Variants in DCDC2 observed in about 807,000 individuals in gnomAD.
DCDC2 encodes the protein doublecortin domain containing 2.
DCDC2 carries 40 observed loss-of-function variants against 50.2 expected under a neutral mutation model. The ratio of observed to expected loss-of-function variants is 0.80; its 90% CI spans 0.62 to 1.04. The LOEUF is 1.04. Among genes scored for constraint, DCDC2 ranks in the 50% least tolerant of loss-of-function variants. The probability of loss-of-function intolerance (pLI) is 0.00; values close to 1 mark genes in which losing one functional copy is unlikely to be tolerated. For missense variants in DCDC2, 570 were observed against 581.9 expected, an observed-to-expected ratio of 0.98 and a Z score of 0.21; for synonymous variants, 234 against 210.6, an observed-to-expected ratio of 1.11 and a Z score of -0.96.
chr6:24,278,806 A>C (rs559601608), intron 6 of DCDC2, among the ~76,000 whole-genome samples: 17 of 152,322 alleles, frequency 1.1e-4, no homozygotes, highest in Admixed American at 1.0e-3. Flanking sequence ...TCATCCTACA[A>C]GCAGCCATAC....
At chr6:24,256,640 C>T (rs1762903620) in intron 7 of DCDC2, among the ~76,000 whole-genome samples, 2 of 152,236 alleles carry the variant, frequency 1.3e-5, no homozygotes, top group East Asian at 1.9e-4. Flanking sequence ...AGAAAGCTAA[C>T]AATTGTCCCT....
chr6:24,303,540 C>A (rs1370531506), intron 2 of DCDC2, among the ~76,000 whole-genome samples: 1 of 152,176 alleles, frequency 6.6e-6, no homozygotes, highest in Non-Finnish European at 1.5e-5. Flanking sequence ...CCTGCTCATT[C>A]TTCTTGCGCT....
At chr6:24,193,484 G>A (rs934092950) in intron 8 of DCDC2, among the ~76,000 whole-genome samples, 3 of 152,186 alleles carry the variant, frequency 2.0e-5, no homozygotes, top group Non-Finnish European at 4.4e-5. Flanking sequence ...GTATGTGAAT[G>A]TATCAAGAGG....
intron 7 of DCDC2, among the ~76,000 whole-genome samples, chr6:24,254,830 A>C (rs1442530384): frequency 1.1e-5 from 1 of 93,048 alleles, no homozygotes; most frequent in Non-Finnish European, 2.7e-5. Flanking sequence ...AATTCATACT[A>C]TAAAAAAAAA....
rs1031495101 is a variant in DCDC2 at position 24,260,286 on chromosome 6, T to C, written c.922+17763A>G. On this transcript the variant is annotated intron_variant, in intron 7 of 9. Coordinates refer to ENST00000378454, the MANE Select transcript of DCDC2 (RefSeq NM_016356.5). ...ATGGGTTGCCGGTTCCCACCTCTCA[T>C]CTCTAGGCTCTCTCATTTCTGGTAC... Among the ~76,000 whole-genome samples, 50 of 152,158 alleles carry C rather than the reference T, an allele frequency of 3.3e-4. 1 individual carries two copies. Among genetic ancestry groups the C allele is most frequent in the South Asian group, 4.1e-4 (2 of 4,828 alleles).
At chr6:24,196,506 C>T (rs1345306867) in intron 8 of DCDC2, among the ~76,000 whole-genome samples, 1 of 152,146 alleles carries the variant, frequency 6.6e-6, no homozygotes, top group East Asian at 1.9e-4. Flanking sequence ...CTGCAACCTC[C>T]GCCTCCCAGA....
intron 7 of DCDC2, among the ~76,000 whole-genome samples, chr6:24,217,461 A>G (rs1017122666): frequency 6.6e-6 from 1 of 152,228 alleles, no homozygotes; most frequent in South Asian, 2.1e-4. Context: ...TTCAAAGCCA[A>G]TCTAACTCTC....
chr6:24,256,643 T>C (rs139640035), intron 7 of DCDC2, among the ~76,000 whole-genome samples: 4 of 152,152 alleles, frequency 2.6e-5, no homozygotes, highest in African/African-American at 7.2e-5. Context: ...AAGCTAACAA[T>C]TGTCCCTTTA....
chr6:24,181,205 G>C (rs989983011), intron 8 of DCDC2, among the ~76,000 whole-genome samples: 9 of 152,186 alleles, frequency 5.9e-5, no homozygotes, highest in Non-Finnish European at 1.3e-4. Flanking sequence ...GAGGGGAATG[G>C]ATCTGCCAGC....
At chr6:24,357,416 T>TA in intron 1 of DCDC2, 42 bp downstream of exon 1, 1 of 1,558,042 alleles carries the variant, frequency 6.4e-7, no homozygotes, top group Non-Finnish European at 8.7e-7. Flanking sequence ...CCCCACACTA[T>TA]AGGGCACCTA....
At chr6:24,229,837 C>G (rs922060554) in intron 7 of DCDC2, among the ~76,000 whole-genome samples, 1 of 152,176 alleles carries the variant, frequency 6.6e-6, no homozygotes, top group Non-Finnish European at 1.5e-5. Flanking sequence ...ACACTTAGAT[C>G]TGACTGATCT....
At chr6:24,174,943 T>A (rs1683848070) in intron 9 of DCDC2, 109 bp from the exon 10 acceptor site, 1 of 575,468 alleles carries the variant, frequency 1.7e-6, no homozygotes, top group Non-Finnish European at 2.8e-6. Flanking sequence ...TATAAATATT[T>A]AACTAAAAAG....
chr6:24,376,924 G>A, the DCDC2 span, among the ~76,000 whole-genome samples: 1 of 151,914 alleles, frequency 6.6e-6, no homozygotes, highest in Non-Finnish European at 1.5e-5. Context: ...CGCCACCTTG[G>A]AGATCCCATT....
intron 7 of DCDC2, among the ~76,000 whole-genome samples, chr6:24,242,238 T>C (rs545825196): frequency 1.2e-4 from 19 of 152,260 alleles, no homozygotes; most frequent in African/African-American, 4.1e-4. Context: ...TAGTGGCACC[T>C]GCATTATCTA....
chr6:24,182,660 G>A (rs11963702), intron 8 of DCDC2, among the ~76,000 whole-genome samples: 13,962 of 85,498 alleles, frequency 0.16, 2,061 homozygotes, highest in African/African-American at 0.4. Flanking sequence ...GAAAACAAGC[G>A]TTGACAAGGA....
the DCDC2 span, among the ~76,000 whole-genome samples, chr6:24,369,427 G>A: frequency 1.3e-5 from 2 of 151,924 alleles, no homozygotes; most frequent in Non-Finnish European, 2.9e-5. Context: ...TGGCCAACAT[G>A]GTGATACCCC....
At chr6:24,328,616 T>C (rs1240764094) in intron 2 of DCDC2, among the ~76,000 whole-genome samples, 5 of 152,234 alleles carry the variant, frequency 3.3e-5, no homozygotes, top group African/African-American at 9.6e-5. Flanking sequence ...CTAAATTTTA[T>C]GGTTCTATGT....
chr6:24,373,744 G>A, the DCDC2 span, among the ~76,000 whole-genome samples: 1 of 152,162 alleles, frequency 6.6e-6, no homozygotes, highest in Non-Finnish European at 1.5e-5. Flanking sequence ...AATGCTTTAT[G>A]CTGTTCACAT....
the DCDC2 span, among the ~76,000 whole-genome samples, chr6:24,368,387 T>G: frequency 6.6e-6 from 1 of 151,998 alleles, no homozygotes; most frequent in African/African-American, 2.4e-5. Flanking sequence ...AATAACCACC[T>G]TAGGATATCG....
Sources: gnomAD v4.1 joint callset for allele counts (sites outside exome capture counted in the v4.1 genomes callset) on GRCh38, gnomAD v4.1.1 for gene constraint, MANE v1.5 for transcripts, NCBI Gene and HGNC (gene_info 2026-07-23, HGNC 2026-07-21) for gene names.